Variants in DNAH6 observed in about 807,000 individuals in gnomAD.
The protein encoded by DNAH6 is axonemal beta dynein heavy chain 6.
A neutral mutation model predicts 491.4 loss-of-function variants in DNAH6; 340 were observed. That is an observed-to-expected ratio of 0.69 (90% CI 0.63 to 0.76). DNAH6 has a LOEUF of 0.76. DNAH6 is among the 30% of genes least tolerant of loss of function. The pLI is 0.00. For synonymous variants in DNAH6, 1,603 were observed against 1,686.1 expected, an observed-to-expected ratio of 0.95 and a Z score of 1.21; for missense variants, 4,443 against 4,972.2, an observed-to-expected ratio of 0.89 and a Z score of 3.20.
intron 68 of DNAH6, among the ~76,000 whole-genome samples, chr2:84,795,128 TGAG>T: frequency 7.9e-6 from 1 of 126,200 alleles, no homozygotes. Flanking sequence ...AATTGAACAA[TGAG>T]AACACATGGA....
At chr2:84,698,018 A>G (rs1695550944) in intron 47 of DNAH6, among the ~76,000 whole-genome samples, 1 of 152,062 alleles carries the variant, frequency 6.6e-6, no homozygotes, top group Admixed American at 6.5e-5. Flanking sequence ...AGTTTATTTC[A>G]CACACTGCAG....
chr2:84,658,154 T>G (rs1671023778), intron 35 of DNAH6, 138 bp from the exon 36 acceptor site: 1 of 511,704 alleles, frequency 2.0e-6, no homozygotes, highest in Non-Finnish European at 3.2e-6. Flanking sequence ...TTAATTTGTT[T>G]AATATGTTGT....
the DNAH6 span, among the ~76,000 whole-genome samples, chr2:84,495,454 C>T: frequency 6.6e-6 from 1 of 152,182 alleles, no homozygotes; most frequent in South Asian, 2.1e-4. Flanking sequence ...TGAGCCACTG[C>T]GTCCAGCCTC....
At chr2:84,610,678 A>C (rs1055012716) in intron 21 of DNAH6, among the ~76,000 whole-genome samples, 3 of 152,198 alleles carry the variant, frequency 2.0e-5, no homozygotes, top group African/African-American at 7.2e-5. Context: ...ATTTCTAGAC[A>C]TGCTAATATG....
chr2:84,640,441 T>A lies in DNAH6; in HGVS notation c.4833T>A (p.Tyr1611Ter). The A allele has an allele frequency of 6.7e-7, 1 of 1,497,744 alleles. No individual in the cohort carries two copies. Among genetic ancestry groups the A allele is most frequent in the Non-Finnish European group, 9.1e-7 (1 of 1,098,410 alleles). The allele number at this position is 1,497,744 out of a possible 1,614,324, so 92.8% of individuals were successfully genotyped here. ...TTTTTCTATTCTAGGTAATTCTATA[T>A]TCTGAAGGATTTGAATCCAGTAAAA... ...NYALIAEVILYSEGFESSKIL... is the reference protein window; with the variant it reads ...NYALIAEVIL Residue 1611 changes from tyrosine (Y) to a stop codon, truncating the protein, a stop_gained, in exon 32 of 77, where the codon TAT (tyrosine) becomes TAA (stop). Coordinates refer to ENST00000389394, the MANE Select transcript of DNAH6 (RefSeq NM_001370.2). LOFTEE classifies it high-confidence loss of function.
At chr2:84,788,071 G>A (rs780844059) in intron 68 of DNAH6, among the ~76,000 whole-genome samples, 101 of 152,262 alleles carry the variant, frequency 6.6e-4, no homozygotes, top group Non-Finnish European at 2.2e-4. Context: ...CTTAAAACAT[G>A]TTTGAGATGA....
intron 71 of DNAH6, among the ~76,000 whole-genome samples, chr2:84,806,766 G>GA (rs1282692561): frequency 1.3e-5 from 2 of 151,978 alleles, no homozygotes; most frequent in African/African-American, 4.8e-5. Flanking sequence ...AATTGAGGCA[G>GA]AAAAAACAGC....
chr2:84,637,290 T>C lies in DNAH6; in HGVS notation c.4734T>C (p.Tyr1578=). 2 of 1,551,370 alleles carry C rather than the reference T, an allele frequency of 1.3e-6. No individual in the cohort carries two copies. Among genetic ancestry groups the C allele is most frequent in the Non-Finnish European group, 1.7e-6 (2 of 1,146,744 alleles). ...CCTTCATCACAATGAATCCTGGCTATGCAGGGAGAACTGAATTGCCAGATA... is the reference window on the plus strand; with the variant it reads ...CCTTCATCACAATGAATCCTGGCTACGCAGGGAGAACTGAATTGCCAGATA... The part of the protein sequence containing the change: ...CAAFITMNPG[Y]AGRTELPDNL... The change falls in exon 31 of 77, where the codon TAT becomes TAC. Residue 1578 remains tyrosine (Y), a synonymous_variant. Transcript: ENST00000389394.
chr2:84,687,929 C>A (rs1308542302), intron 44 of DNAH6, among the ~76,000 whole-genome samples: 3 of 152,030 alleles, frequency 2.0e-5, no homozygotes, highest in Non-Finnish European at 4.4e-5. Context: ...ATGTCAATAA[C>A]CTAACAGCAA....
intron 15 of DNAH6, chr2:84,584,510 A>C (rs1415107573): frequency 1.1e-5 from 4 of 371,678 alleles, no homozygotes; most frequent in Non-Finnish European, 1.5e-5. Context: ...ATGTAGCTTT[A>C]GTTTTTTATA....
the DNAH6 span, among the ~76,000 whole-genome samples, chr2:84,472,737 A>G: frequency 1.3e-5 from 2 of 152,218 alleles, no homozygotes; most frequent in South Asian, 2.1e-4. Context: ...GCAGACACCA[A>G]TGCATCCGCC....
At chr2:84,671,430 G>A (rs931482910) in intron 39 of DNAH6, among the ~76,000 whole-genome samples, 1 of 152,154 alleles carries the variant, frequency 6.6e-6, no homozygotes, top group Non-Finnish European at 1.5e-5. Flanking sequence ...CTGGGGTGGT[G>A]CACCAGCCAG....
intron 30 of DNAH6, among the ~76,000 whole-genome samples, chr2:84,635,402 TC>T (rs879340490): frequency 5.9e-4 from 90 of 152,302 alleles, no homozygotes; most frequent in African/African-American, 1.9e-3. Flanking sequence ...AAAAATATTT[TC>T]ATAGACACCA....
chr2:84,707,638 A>G lies in DNAH6; in HGVS notation c.8970A>G (p.Ser2990=). The G allele has an allele frequency of 1.3e-6, 2 of 1,552,240 alleles. No individual in the cohort carries two copies. Among genetic ancestry groups the G allele is most frequent in the Non-Finnish European group, 1.7e-6 (2 of 1,147,024 alleles). ...ESIQKFEEEI[S]NITGNVFIAA... is the part of the protein sequence containing the mutation. ...TACAGAAGTTTGAGGAAGAAATATCAAATATCACTGGGAACGTGTTCATAG... is the reference window on the plus strand; with the variant it reads ...TACAGAAGTTTGAGGAAGAAATATCGAATATCACTGGGAACGTGTTCATAG... The change falls in exon 54 of 77, where the codon TCA becomes TCG. Residue 2990 remains serine, a synonymous_variant. Transcript: ENST00000389394.
At position 84,704,322 on chromosome 2, in the gene DNAH6, G is replaced by GTAT. The variant is rs1467930017; in HGVS notation, c.8465+22_8465+24dup. ...TGCCAAGTGAGTAATTCAGAGTCATGTATTGCCATGATACCTGGTAAGAGT... is the reference window on the plus strand; with the variant it reads ...TGCCAAGTGAGTAATTCAGAGTCATGTATTATTGCCATGATACCTGGTAAGAGT... On this transcript the variant is annotated intron_variant, in intron 51 of 76. Coordinates refer to ENST00000389394, the MANE Select transcript of DNAH6 (RefSeq NM_001370.2). 6.7e-7 allele frequency: 1 copy of GTAT among 1,500,992 alleles called. No individual in the cohort carries two copies. Among genetic ancestry groups the GTAT allele is most frequent in the Non-Finnish European group, 9.1e-7 (1 of 1,101,594 alleles). The allele number at this position is 1,500,992 out of a possible 1,614,324, so 93.0% of individuals were successfully genotyped here.
Position 84,805,646 on chromosome 2 carries a change from T to C in DNAH6, c.11482-19T>C. The C allele has an allele frequency of 6.5e-7, 1 of 1,537,412 alleles. No individual in the cohort carries two copies. Among genetic ancestry groups the C allele is most frequent in the East Asian group, 2.5e-5 (1 of 40,692 alleles). On this transcript the variant is annotated intron_variant, in intron 70 of 76. Transcript: ENST00000389394. ...GAGAATTTGAGTCTTCACTGTTCTG[T>C]CTCTTATTGCCATTACAGTACAAAG...
intron 33 of DNAH6, among the ~76,000 whole-genome samples, chr2:84,642,431 T>G (rs1689502181): frequency 6.6e-6 from 1 of 152,142 alleles, no homozygotes; most frequent in African/African-American, 2.4e-5. Context: ...ACGTTATACA[T>G]GTATATAGTT....
chr2:84,703,603 A>G, intron 50 of DNAH6, 41 bp downstream of exon 50: 1 of 1,501,634 alleles, frequency 6.7e-7, no homozygotes, highest in Non-Finnish European at 8.9e-7. Context: ...GGCTTCTGTC[A>G]GCAACTGATC....
At chr2:84,527,344 T>G (rs973320727) in intron 3 of DNAH6, among the ~76,000 whole-genome samples, 6 of 152,084 alleles carry the variant, frequency 3.9e-5, no homozygotes, top group Non-Finnish European at 1.5e-5. Context: ...ACACAGTGAT[T>G]AACCTCCTCC....
Sources: gnomAD v4.1 joint callset for allele counts (sites outside exome capture counted in the v4.1 genomes callset) on GRCh38, gnomAD v4.1.1 for gene constraint, MANE v1.5 for transcripts, NCBI Gene and HGNC (gene_info 2026-07-23, HGNC 2026-07-21) for gene names.